The following OR5AS1 variants were observed in gnomAD, a reference collection of about 807,000 sequenced individuals.
The protein encoded by OR5AS1 is olfactory receptor family 5 subfamily AS member 1.
For missense variants in OR5AS1, 492 were observed against 378.2 expected (o/e 1.30, Z -2.50); for synonymous variants, 196 against 141.7 (o/e 1.38, Z -2.72).
In OR5AS1 at chr11:56,030,812, T is replaced by C. The variant is rs765942405; in HGVS notation, c.394T>C (p.Tyr132His). 2 of 1,614,070 alleles carry C rather than the reference T, an allele frequency of 1.2e-6. No individual in the cohort carries two copies. The highest frequency in any genetic ancestry group is 3.3e-5 in the Admixed American group (2 of 60,028). ...RYAAICNPLLYTTLMSRRVCV... is the reference protein window; with the variant it reads ...RYAAICNPLLHTTLMSRRVCV... ...TGCAGCCATCTGCAACCCACTGCTC[T>C]ATACTACACTGATGTCTAGGAGAGT... Residue 132 changes from tyrosine to histidine, a missense_variant, in exon 2 of 2, where the codon TAT becomes CAT. Coordinates refer to ENST00000641320, the MANE Select transcript of OR5AS1 (RefSeq NM_001001921.2).
In OR5AS1 at chr11:56,030,599, T is replaced by G; in HGVS notation, c.181T>G (p.Tyr61Asp). 1 of 1,547,634 alleles carries G rather than the reference T, an allele frequency of 6.5e-7. No individual in the cohort carries two copies. Among genetic ancestry groups the G allele is most frequent in the Non-Finnish European group, 8.7e-7 (1 of 1,150,408 alleles). ...TTCAAGCCTTCAAATTCCCATGTATTATTTTCTTAGCAACTTATCTTTCTT... is the reference window on the plus strand; with the variant it reads ...TTCAAGCCTTCAAATTCCCATGTATGATTTTCTTAGCAACTTATCTTTCTT... ...INSSLQIPMYYFLSNLSFLDI... is the reference protein window; with the variant it reads ...INSSLQIPMYDFLSNLSFLDI... The change falls in exon 2 of 2, where the codon TAT becomes GAT. Residue 61 changes from tyrosine (Y) to aspartate (D), a missense_variant. Physicochemically the swap from Tyr to Asp is radical, Grantham distance 160 (BLOSUM62 -3). Transcript: ENST00000641320.
At position 56,032,238 on chromosome 11, in the gene OR5AS1, T is replaced by C. The variant is rs1446727419; in HGVS notation, c.*845T>C. ...AACAAGTTTGTGAATACTATCAAGA[T>C]TATAAACTGTAGAATTTCCTAATTA... is the stretch of plus-strand genomic sequence containing the variant. On this transcript the variant is annotated 3_prime_UTR_variant, in exon 2 of 2. Coordinates refer to ENST00000641320, the MANE Select transcript of OR5AS1 (RefSeq NM_001001921.2). 1 of 152,132 alleles carries C rather than the reference T, an allele frequency of 6.6e-6. No individual in the cohort carries two copies. The highest frequency in any genetic ancestry group is 1.5e-5 in the Non-Finnish European group (1 of 68,026). 9.4% of individuals were successfully genotyped at this position (152,132 alleles called of 1,614,324 possible).
rs745787085 is a variant in OR5AS1, at chr11:56,037,180, G to A, written c.*5787G>A. 7 of 152,058 alleles carry A rather than the reference G, an allele frequency of 4.6e-5. No individual in the cohort carries two copies. The highest frequency in any genetic ancestry group is 9.7e-5 in the African/African-American group (4 of 41,336). The allele number at this position is 152,058 out of a possible 1,614,324, so 9.4% of individuals were successfully genotyped here. A position where few individuals can be genotyped will look rare whatever the true frequency, so the allele number is the denominator to read the frequency against. ...CATACTGAATGGGCAAAAACTGGACGCATTCCCTTTGAAAACCGGCACAAA... is the reference window on the plus strand; with the variant it reads ...CATACTGAATGGGCAAAAACTGGACACATTCCCTTTGAAAACCGGCACAAA... On this transcript the variant is annotated 3_prime_UTR_variant, in exon 2 of 2. Transcript: ENST00000641320.
Position 56,035,651 on chromosome 11 carries a change from G to C in OR5AS1, c.*4258G>C, listed in dbSNP as rs1348998012. On this transcript the variant is annotated 3_prime_UTR_variant, in exon 2 of 2. Coordinates refer to ENST00000641320, the MANE Select transcript of OR5AS1 (RefSeq NM_001001921.2). ...CAAATTCATAAAGCCAGTTCTTAGA[G>C]ATCTATGAAGAGACTTAGACTAACA... 6.6e-6 allele frequency: 1 copy of C among 152,082 alleles called. No homozygotes were observed. Among genetic ancestry groups the C allele is most frequent in the Admixed American group, 6.5e-5 (1 of 15,268 alleles). The allele number at this position is 152,082 out of a possible 1,614,324, so 9.4% of individuals were successfully genotyped here. A position where few individuals can be genotyped will look rare whatever the true frequency, so the allele number is the denominator to read the frequency against.
rs368490566 is a variant in OR5AS1, at chr11:56,032,752, C to T, written c.*1359C>T. ...CTGTGGGTTCTCTTCTAGATCACTA[C>T]AATAAAGCAACTGACGCAGTAAAGT... is the stretch of plus-strand genomic sequence containing the variant. On this transcript the variant is annotated 3_prime_UTR_variant, in exon 2 of 2. Transcript: ENST00000641320. 22 of 152,214 alleles carry T rather than the reference C, an allele frequency of 1.4e-4. No homozygotes were observed. Among genetic ancestry groups the T allele is most frequent in the African/African-American group, 4.8e-4 (20 of 41,496 alleles). The allele number at this position is 152,214 out of a possible 1,614,324, so 9.4% of individuals were successfully genotyped here. A position where few individuals can be genotyped will look rare whatever the true frequency, so the allele number is the denominator to read the frequency against.
Position 56,030,628 on chromosome 11 carries a change from C to T in OR5AS1, c.210C>T (p.Asp70=). ...TTCTTAGCAACTTATCTTTCTTAGA[C>T]ATCAGCTGTTCTACAGCAATCACTC... ...YYFLSNLSFL[D]ISCSTAITPK... Residue 70 remains aspartate, a synonymous_variant, in exon 2 of 2, where the codon GAC becomes GAT. Transcript: ENST00000641320. 1.9e-6 allele frequency: 3 copies of T among 1,553,926 alleles called. No individual in the cohort carries two copies. Among genetic ancestry groups the T allele is most frequent in the Non-Finnish European group, 2.6e-6 (3 of 1,152,700 alleles).
chr11:56,029,019 A>G (rs1370104447), intron 1 of OR5AS1, among the ~76,000 whole-genome samples: 2 of 152,078 alleles, frequency 1.3e-5, no homozygotes, highest in East Asian at 3.9e-4. Context: ...TTAGGTACAC[A>G]CATTGCATTC....
In OR5AS1 at chr11:56,030,646, A is replaced by T. The variant is rs1477973928; in HGVS notation, c.228A>T (p.Ala76=). Residue 76 remains alanine (A), a synonymous_variant, in exon 2 of 2, where the codon GCA becomes GCT. Coordinates refer to ENST00000641320, the MANE Select transcript of OR5AS1 (RefSeq NM_001001921.2). ...TCTTAGACATCAGCTGTTCTACAGC[A>T]ATCACTCCTAAAATGCTGGCAAACT... The part of the protein sequence containing the change: ...LSFLDISCST[A]ITPKMLANFL... The T allele has an allele frequency of 1.9e-6, 3 of 1,573,078 alleles. No individual in the cohort carries two copies.
intron 1 of OR5AS1, 148 bp from the exon 2 acceptor site, chr11:56,030,243 T>C (rs905813837): frequency 2.5e-6 from 1 of 405,082 alleles, no homozygotes; most frequent in Admixed American, 4.0e-5. Flanking sequence ...CTTCCTTTAA[T>C]CAAATGACAA....
At position 56,031,499 on chromosome 11, in the gene OR5AS1, A is replaced by T; in HGVS notation, c.*106A>T. On this transcript the variant is annotated 3_prime_UTR_variant, in exon 2 of 2. Coordinates refer to ENST00000641320, the MANE Select transcript of OR5AS1 (RefSeq NM_001001921.2). ...GAAATAAAGATAACTTGTTATACTC[A>T]GTGCATTAAAATGCTTCATCCTCTC... 1.2e-6 allele frequency: 1 copy of T among 847,706 alleles called. No individual in the cohort carries two copies. The highest frequency in any genetic ancestry group is 2.0e-5 in the South Asian group (1 of 51,196). The allele number at this position is 847,706 out of a possible 1,614,324, so 52.5% of individuals were successfully genotyped here.
rs1853361497 is a variant in OR5AS1, at chr11:56,032,516, TA to T, written c.*1129del. On this transcript the variant is annotated 3_prime_UTR_variant, in exon 2 of 2. Coordinates refer to ENST00000641320, the MANE Select transcript of OR5AS1 (RefSeq NM_001001921.2). ...AGTGATACACCATGTACATGTGAAA[TA>T]AAAAAGTGTGCATTTTGTAATAATT... 1 of 152,112 alleles carries T rather than the reference TA, an allele frequency of 6.6e-6. No homozygotes were observed. 9.4% of individuals were successfully genotyped at this position (152,112 alleles called of 1,614,324 possible).
chr11:56,031,337 A>G lies in OR5AS1; in HGVS notation c.919A>G (p.Arg307Gly), dbSNP rs2134693706. The G allele has an allele frequency of 1.3e-6, 2 of 1,583,322 alleles. No individual in the cohort carries two copies. Among genetic ancestry groups the G allele is most frequent in the East Asian group, 2.2e-5 (1 of 44,752 alleles). The change falls in exon 2 of 2, where the codon AGA becomes GGA. Residue 307 changes from arginine (R) to glycine (G), a missense_variant. Transcript: ENST00000641320. ...VKNALKKLLE[R>G]IGYSNEWYLN... is the part of the protein sequence containing the mutation. ...AAATGCTCTCAAAAAGCTATTAGAA[A>G]GAATTGGATATTCAAATGAATGGTA...
rs1206929987 is a variant in OR5AS1, at chr11:56,034,072, A to C, written c.*2679A>C. ...AGGAATAGCATCAATATCAACAAAA[A>C]GGACGTCCACTCAGAAACTCCACCA... On this transcript the variant is annotated 3_prime_UTR_variant, in exon 2 of 2. Coordinates refer to ENST00000641320, the MANE Select transcript of OR5AS1 (RefSeq NM_001001921.2). The C allele has an allele frequency of 6.6e-6, 1 of 152,176 alleles. No individual in the cohort carries two copies. Among genetic ancestry groups the C allele is most frequent in the African/African-American group, 2.4e-5 (1 of 41,400 alleles). The allele number at this position is 152,176 out of a possible 1,614,324, so 9.4% of individuals were successfully genotyped here.
At position 56,030,802 on chromosome 11, in the gene OR5AS1, C is replaced by A. The variant is rs148523609; in HGVS notation, c.384C>A (p.Asn128Lys). The A allele has an allele frequency of 1.9e-6, 3 of 1,613,916 alleles. No homozygotes were observed. Among genetic ancestry groups the A allele is most frequent in the Non-Finnish European group, 2.5e-6 (3 of 1,179,966 alleles). The change falls in exon 2 of 2, where the codon AAC becomes AAA. Residue 128 changes from asparagine to lysine, a missense_variant. By Grantham distance (94) the Asn-to-Lys change is moderately conservative (BLOSUM62 0). Coordinates refer to ENST00000641320, the MANE Select transcript of OR5AS1 (RefSeq NM_001001921.2). ...ATGACCGCTATGCAGCCATCTGCAA[C>A]CCACTGCTCTATACTACACTGATGT... ...MAYDRYAAICNPLLYTTLMSR... is the reference protein window; with the variant it reads ...MAYDRYAAICKPLLYTTLMSR...
Position 56,035,064 on chromosome 11 carries a change from A to G in OR5AS1, c.*3671A>G, listed in dbSNP as rs1853390476. 2 of 152,130 alleles carry G rather than the reference A, an allele frequency of 1.3e-5. No individual in the cohort carries two copies. The highest frequency in any genetic ancestry group is 4.1e-4 in the South Asian group (2 of 4,830). The allele number at this position is 152,130 out of a possible 1,614,324, so 9.4% of individuals were successfully genotyped here. A position where few individuals can be genotyped will look rare whatever the true frequency, so the allele number is the denominator to read the frequency against. On this transcript the variant is annotated 3_prime_UTR_variant, in exon 2 of 2. Coordinates refer to ENST00000641320, the MANE Select transcript of OR5AS1 (RefSeq NM_001001921.2). ...AAATAAAATCCTTTACAGAAAAGCAAATGCTGAGAGATTTTGTCACCACCA... is the reference window on the plus strand; with the variant it reads ...AAATAAAATCCTTTACAGAAAAGCAGATGCTGAGAGATTTTGTCACCACCA...
At chr11:56,028,103 T>C (rs1275405331) in intron 1 of OR5AS1, among the ~76,000 whole-genome samples, 1 of 151,998 alleles carries the variant, frequency 6.6e-6, no homozygotes, top group East Asian at 1.9e-4. Context: ...ATTGTTTGTG[T>C]TTGTTCATAT....
Position 56,036,827 on chromosome 11 carries a change from T to C in OR5AS1, c.*5434T>C, listed in dbSNP as rs1473238935. ...GCAGAGACACAGCAAAAAAAGAACA[T>C]GCCAGGCCAATATCCCTGATGAACA... On this transcript the variant is annotated 3_prime_UTR_variant, in exon 2 of 2. Transcript: ENST00000641320. 4 of 152,088 alleles carry C rather than the reference T, an allele frequency of 2.6e-5. No individual in the cohort carries two copies. The highest frequency in any genetic ancestry group is 1.9e-4 in the East Asian group (1 of 5,172). The allele number at this position is 152,088 out of a possible 1,614,324, so 9.4% of individuals were successfully genotyped here.
Position 56,035,710 on chromosome 11 carries a change from G to T in OR5AS1, c.*4317G>T, listed in dbSNP as rs1191707997. On this transcript the variant is annotated 3_prime_UTR_variant, in exon 2 of 2. Coordinates refer to ENST00000641320, the MANE Select transcript of OR5AS1 (RefSeq NM_001001921.2). ...TAGTGGGAGACTTTAACACCCCACA[G>T]TCAACATTAGACAGACCAAGACAGA... is the stretch of plus-strand genomic sequence containing the variant. 1 of 152,130 alleles carries T rather than the reference G, an allele frequency of 6.6e-6. No homozygotes were observed. Among genetic ancestry groups the T allele is most frequent in the Non-Finnish European group, 1.5e-5 (1 of 68,034 alleles). The allele number at this position is 152,130 out of a possible 1,614,324, so 9.4% of individuals were successfully genotyped here.
rs574237237 is a variant in OR5AS1 at position 56,031,945 on chromosome 11, A to G, written c.*552A>G. On this transcript the variant is annotated 3_prime_UTR_variant, in exon 2 of 2. Coordinates refer to ENST00000641320, the MANE Select transcript of OR5AS1 (RefSeq NM_001001921.2). ...GATGGATAGATGGATAGATAGATGA[A>G]TGACTGGGAAAATACAGCCTTATTT... 6.6e-6 allele frequency: 1 copy of G among 152,414 alleles called. No homozygotes were observed. The highest frequency in any genetic ancestry group is 1.9e-4 in the East Asian group (1 of 5,184). 9.4% of individuals were successfully genotyped at this position (152,414 alleles called of 1,614,324 possible). A position where few individuals can be genotyped will look rare whatever the true frequency, so the allele number is the denominator to read the frequency against.
Sources: gnomAD v4.1 joint callset for allele counts (sites outside exome capture counted in the v4.1 genomes callset) on GRCh38, gnomAD v4.1.1 for gene constraint, MANE v1.5 for transcripts, NCBI Gene and HGNC (gene_info 2026-07-23, HGNC 2026-07-21) for gene names.